Variants in LARGE1 observed in about 807,000 individuals in gnomAD.
The protein encoded by LARGE1 is LARGE xylosyl- and glucuronyltransferase 1.
Under a neutral mutation model 87.6 loss-of-function variants are expected in LARGE1, and 43 were observed. The observed-to-expected ratio is 0.49, with a 90% CI of 0.38 to 0.63. LARGE1 has a LOEUF of 0.63. Among genes scored for constraint, LARGE1 ranks in the 30% least tolerant of loss-of-function variants. The pLI, the probability that LARGE1 is intolerant of heterozygous loss-of-function variation, is 0.00. For missense variants in LARGE1, 802 were observed against 1,000.2 expected (o/e 0.80, Z 2.67); for synonymous variants, 434 against 394.6 (o/e 1.10, Z -1.18).
At position 33,862,809 on chromosome 22, in the gene LARGE1, AT is replaced by A. The variant is rs2063971752; in HGVS notation, c.-83+57185del. Among the ~76,000 whole-genome samples, 3 of 152,190 alleles carry A rather than the reference AT, an allele frequency of 2.0e-5. No individual in the cohort carries two copies. The South Asian group carries it at 6.2e-4, about 32-fold the overall frequency. ...TCTATTAACACAAAAAGGGCAGTCC[AT>A]GGTCAAAATTTTTTATCAGAGGTCA... is the stretch of plus-strand genomic sequence containing the variant. On this transcript the variant is annotated intron_variant, in intron 1 of 14. Transcript: ENST00000397394.
chr22:33,191,332 G>A (rs1421559969), intron 11 of LARGE1, among the ~76,000 whole-genome samples: 3 of 152,156 alleles, frequency 2.0e-5, no homozygotes, highest in Admixed American at 6.5e-5. Flanking sequence ...TAGAACCATT[G>A]ACAGAGACAG....
At chr22:33,079,419 G>A in the LARGE1 span, among the ~76,000 whole-genome samples, 18 of 151,670 alleles carry the variant, frequency 1.2e-4, no homozygotes, top group African/African-American at 3.9e-4. Flanking sequence ...AGTAGAGATG[G>A]GGTTTCACTG....
intron 2 of LARGE1, among the ~76,000 whole-genome samples, chr22:33,725,350 G>C (rs538508330): frequency 1.3e-5 from 2 of 152,310 alleles, no homozygotes; most frequent in South Asian, 4.1e-4. Flanking sequence ...TATTCTGAAT[G>C]CAAGGGTCAG....
At chr22:33,784,919 A>C (rs1030550522) in intron 1 of LARGE1, among the ~76,000 whole-genome samples, 3 of 151,380 alleles carry the variant, frequency 2.0e-5, no homozygotes, top group Non-Finnish European at 2.9e-5. Context: ...ATGTGTGTGT[A>C]TATACATATA....
intron 1 of LARGE1, among the ~76,000 whole-genome samples, chr22:33,811,377 C>T (rs933983906): frequency 1.3e-5 from 2 of 152,144 alleles, no homozygotes; most frequent in African/African-American, 4.8e-5. Flanking sequence ...GTGGGACGCT[C>T]GTGGCTGAAG....
chr22:33,756,331 G>A (rs1463173142), intron 2 of LARGE1, among the ~76,000 whole-genome samples: 4 of 152,240 alleles, frequency 2.6e-5, no homozygotes, highest in Non-Finnish European at 4.4e-5. Context: ...AAAGAGACCC[G>A]CTTTCTCCAT....
intron 2 of LARGE1, among the ~76,000 whole-genome samples, chr22:33,678,334 G>C (rs994023572): frequency 2.0e-5 from 3 of 152,136 alleles, no homozygotes; most frequent in South Asian, 2.1e-4. Context: ...CCTCCTCTTT[G>C]ACTTAAAGAA....
intron 2 of LARGE1, among the ~76,000 whole-genome samples, chr22:33,672,805 C>T (rs2081456562): frequency 6.6e-6 from 1 of 152,170 alleles, no homozygotes; most frequent in South Asian, 2.1e-4. Context: ...AATATCTATA[C>T]GGCACCTATT....
chr22:33,538,705 C>T (rs754936529), intron 6 of LARGE1, among the ~76,000 whole-genome samples: 5 of 152,102 alleles, frequency 3.3e-5, no homozygotes, highest in East Asian at 1.9e-4. Flanking sequence ...ATGCTTGGCA[C>T]GGCCACACAA....
intron 5 of LARGE1, among the ~76,000 whole-genome samples, chr22:33,569,981 A>G (rs1602489058): frequency 6.6e-6 from 1 of 152,250 alleles, no homozygotes; most frequent in Admixed American, 6.5e-5. Flanking sequence ...ACCTAGGAGC[A>G]GAAGTGTTCA....
In LARGE1 at chr22:33,565,021, TA is replaced by T. The variant is rs1252825336; in HGVS notation, c.616-3del. 3.1e-6 allele frequency: 5 copies of T among 1,613,762 alleles called. No individual in the cohort carries two copies. In the African/African-American group the frequency reaches 6.7e-5, roughly 22 times the overall value. ...ATTGGGGATCCAGGAAACTTCAGAC[TA>T]GACAGAACAAGGCAGAGAGAGAGTT... On this transcript the variant is annotated splice_region_variant and splice_polypyrimidine_tract_variant and intron_variant, in intron 5 of 14. Transcript: ENST00000397394.
intron 4 of LARGE1, among the ~76,000 whole-genome samples, chr22:33,617,350 A>C (rs185774006): frequency 1.3e-5 from 2 of 152,338 alleles, no homozygotes; most frequent in East Asian, 3.9e-4. Context: ...TGCAAATTCC[A>C]AAATCAGCCA....
At chr22:33,813,531 C>A (rs886259970) in intron 1 of LARGE1, among the ~76,000 whole-genome samples, 13 of 152,018 alleles carry the variant, frequency 8.6e-5, no homozygotes, top group Non-Finnish European at 1.9e-4. Context: ...GAATGGTGAC[C>A]ATCCATCTTC....
intron 6 of LARGE1, among the ~76,000 whole-genome samples, chr22:33,531,947 G>T (rs1457063872): frequency 2.0e-5 from 3 of 152,250 alleles, no homozygotes; most frequent in African/African-American, 4.8e-5. Context: ...TGCCTGCAAG[G>T]TGGGGATTGC....
chr22:33,788,289 T>C (rs1289074463), intron 1 of LARGE1, among the ~76,000 whole-genome samples: 3 of 152,204 alleles, frequency 2.0e-5, no homozygotes, highest in Admixed American at 6.5e-5. Context: ...AAGACGTGCC[T>C]TTGCTTCTCC....
the LARGE1 span, among the ~76,000 whole-genome samples, chr22:33,139,327 C>T: frequency 6.6e-6 from 1 of 152,104 alleles, no homozygotes; most frequent in African/African-American, 2.4e-5. Context: ...TATTCATATC[C>T]TTTGCCCACT....
chr22:33,305,014 A>G (rs1934680988), intron 11 of LARGE1, among the ~76,000 whole-genome samples: 2 of 152,172 alleles, frequency 1.3e-5, no homozygotes, highest in African/African-American at 4.8e-5. Flanking sequence ...AGCTTCCCAG[A>G]ATTCTCTCAA....
At chr22:33,355,778 C>T (rs1394200435) in intron 9 of LARGE1, among the ~76,000 whole-genome samples, 3 of 59,292 alleles carry the variant, frequency 5.1e-5, no homozygotes, top group African/African-American at 1.0e-4. Flanking sequence ...TCGCCAAATA[C>T]TGCTTTACAA....
chr22:33,136,572 A>G, the LARGE1 span, among the ~76,000 whole-genome samples: 1 of 152,156 alleles, frequency 6.6e-6, no homozygotes, highest in Non-Finnish European at 1.5e-5. Context: ...TTTTTTTACA[A>G]TTAACCTAAA....
Sources: gnomAD v4.1 joint callset for allele counts (sites outside exome capture counted in the v4.1 genomes callset) on GRCh38, gnomAD v4.1.1 for gene constraint, MANE v1.5 for transcripts, NCBI Gene and HGNC (gene_info 2026-07-23, HGNC 2026-07-21) for gene names.